The following NBAS variants were observed in gnomAD, a reference collection of about 807,000 sequenced individuals.
The protein encoded by NBAS is NBAS subunit of NRZ tethering complex, also known as NAG/BC035112 fusion.
In NBAS, 219 loss-of-function variants were observed where a neutral mutation model predicts 302.5. That is an observed-to-expected ratio of 0.72 (90% CI 0.65 to 0.81). The LOEUF (loss-of-function observed/expected upper bound fraction) is 0.81. Among genes scored for constraint, NBAS ranks in the 30% least tolerant of loss-of-function variants. The probability of loss-of-function intolerance (pLI) is 0.00; values close to 1 mark genes in which losing one functional copy is unlikely to be tolerated. For synonymous variants in NBAS, 1,118 were observed against 1,021.6 expected (o/e 1.09, Z -1.80); for missense variants, 2,932 against 2,841.6 (o/e 1.03, Z -0.72).
intron 27 of NBAS, 96 bp downstream of exon 27, chr2:15,396,317 T>C (rs1313653541): frequency 1.2e-5 from 12 of 989,272 alleles, no homozygotes; most frequent in African/African-American, 6.6e-5. Context: ...GAGGTTAAAG[T>C]AGAAACGATG....
the NBAS span, among the ~76,000 whole-genome samples, chr2:14,801,875 T>G: frequency 2.0e-5 from 3 of 151,078 alleles, no homozygotes; most frequent in Non-Finnish European, 4.4e-5. Flanking sequence ...GGTTGTTTGT[T>G]TTTTTCTTGT....
chr2:15,119,303 C>CTTTTT, the NBAS span, among the ~76,000 whole-genome samples: 190 of 107,704 alleles, frequency 1.8e-3, no homozygotes, highest in Middle Eastern at 5.7e-3. Context: ...GAAATCCTTT[C>CTTTTT]TTTTTTTTTT....
chr2:15,071,696 T>C, the NBAS span, among the ~76,000 whole-genome samples: 1 of 150,732 alleles, frequency 6.6e-6, no homozygotes, highest in South Asian at 2.1e-4. Flanking sequence ...CCCTGCTTTA[T>C]ATGGTAGCAA....
chr2:15,301,899 A>T (rs1182510651), intron 40 of NBAS, among the ~76,000 whole-genome samples: 1 of 152,224 alleles, frequency 6.6e-6, no homozygotes, highest in African/African-American at 2.4e-5. Context: ...AACAGAGGCC[A>T]ATCATGGGAT....
chr2:15,107,425 TA>T, the NBAS span, among the ~76,000 whole-genome samples: 1 of 152,104 alleles, frequency 6.6e-6, no homozygotes, highest in Non-Finnish European at 1.5e-5. Context: ...GTATTTTTGC[TA>T]GGCAGCCCAA....
chr2:15,320,913 C>T (rs1671775228), intron 38 of NBAS, among the ~76,000 whole-genome samples: 1 of 152,074 alleles, frequency 6.6e-6, no homozygotes, highest in African/African-American at 2.4e-5. Flanking sequence ...TCATATGGAA[C>T]CAAAAAAGAG....
chr2:14,829,922 C>T, the NBAS span, among the ~76,000 whole-genome samples: 1,676 of 152,326 alleles, frequency 0.011, 34 homozygotes, highest in African/African-American at 0.037. Context: ...TAGGCCTTAT[C>T]AAAGACATAT....
At chr2:15,327,913 T>C (rs755075267) in intron 37 of NBAS, 43 bp from the exon 38 acceptor site, 1 of 1,611,612 alleles carries the variant, frequency 6.2e-7, no homozygotes, top group Non-Finnish European at 8.5e-7. Flanking sequence ...GGGTGCCTTT[T>C]GTCCTACAAA....
At chr2:14,877,668 T>A in the NBAS span, among the ~76,000 whole-genome samples, 340 of 151,662 alleles carry the variant, frequency 2.2e-3, 4 homozygotes, top group African/African-American at 7.8e-3. Context: ...TCAAATATCA[T>A]CATCCCAAGT....
the NBAS span, among the ~76,000 whole-genome samples, chr2:15,066,947 T>G: frequency 6.6e-6 from 1 of 152,072 alleles, no homozygotes; most frequent in Non-Finnish European, 1.5e-5. Context: ...AGATAAGGAA[T>G]CAACCTAAGT....
At chr2:15,385,674 G>A (rs2148389277) in intron 28 of NBAS, among the ~76,000 whole-genome samples, 1 of 152,290 alleles carries the variant, frequency 6.6e-6, no homozygotes, top group South Asian at 2.1e-4. Flanking sequence ...CATTTGTGAA[G>A]ATTTGCTGAC....
intron 16 of NBAS, among the ~76,000 whole-genome samples, chr2:15,471,800 C>G (rs1347189555): frequency 6.6e-6 from 1 of 152,064 alleles, no homozygotes; most frequent in Non-Finnish European, 1.5e-5. Context: ...CTGCTGTCTG[C>G]CATATAAGGA....
At chr2:15,474,369 A>G in intron 14 of NBAS, 45 bp from the exon 15 acceptor site, 2 of 1,530,746 alleles carry the variant, frequency 1.3e-6, no homozygotes, top group Admixed American at 1.9e-5. Flanking sequence ...AGGAAATAAG[A>G]ATAACTTTTT....
chr2:14,861,725 C>T, the NBAS span, among the ~76,000 whole-genome samples: 1 of 152,168 alleles, frequency 6.6e-6, no homozygotes, highest in African/African-American at 2.4e-5. Flanking sequence ...TCTGGCACTG[C>T]ACTGCAAAAC....
At chr2:15,499,121 G>A (rs1270498459) in intron 11 of NBAS, among the ~76,000 whole-genome samples, 4 of 152,014 alleles carry the variant, frequency 2.6e-5, no homozygotes, top group African/African-American at 4.8e-5. Context: ...TAAAAATGGG[G>A]TTTCACCATG....
chr2:15,478,274 G>C lies in NBAS; in HGVS notation c.1099C>G (p.Leu367Val). 6.2e-7 allele frequency: 1 copy of C among 1,611,126 alleles called. No homozygotes were observed. Among genetic ancestry groups the C allele is most frequent in the East Asian group, 2.2e-5 (1 of 44,814 alleles). ...GQNEQPGYDD[L>V]NPDWRLSTEK... ...GTAGAGAGCCTCCAATCAGGATTAA[G>C]GTCATCATAGCCTGGCTAAATATGA... Residue 367 changes from leucine (L) to valine (V), a missense_variant, in exon 13 of 52, where the codon CTT becomes GTT. Leu to Val is a conservative substitution (Grantham distance 32). Coordinates refer to ENST00000281513, the MANE Select transcript of NBAS (RefSeq NM_015909.4).
intron 21 of NBAS, among the ~76,000 whole-genome samples, chr2:15,436,466 G>GA (rs1429283196): frequency 6.6e-6 from 1 of 151,920 alleles, no homozygotes; most frequent in Non-Finnish European, 1.5e-5. Flanking sequence ...TCCAATGACA[G>GA]AAAAAATTAT....
At chr2:14,926,842 C>G in the NBAS span, among the ~76,000 whole-genome samples, 1 of 152,226 alleles carries the variant, frequency 6.6e-6, no homozygotes, top group Non-Finnish European at 1.5e-5. Context: ...CTCCAAGAAC[C>G]TCATCTAAGC....
At chr2:15,205,186 A>T (rs959919876) in intron 48 of NBAS, among the ~76,000 whole-genome samples, 1 of 152,176 alleles carries the variant, frequency 6.6e-6, no homozygotes, top group African/African-American at 2.4e-5. Context: ...TTATAAGCTT[A>T]AAACAATGAG....
Sources: gnomAD v4.1 joint callset for allele counts (sites outside exome capture counted in the v4.1 genomes callset) on GRCh38, gnomAD v4.1.1 for gene constraint, MANE v1.5 for transcripts, NCBI Gene and HGNC (gene_info 2026-07-23, HGNC 2026-07-21) for gene names.